NRXN3: variants seen among roughly 807,000 people sequenced by gnomAD.
NRXN3 encodes neurexin 3.
In NRXN3, 32 loss-of-function variants were observed where a neutral mutation model predicts 137.6. The ratio of observed to expected loss-of-function variants is 0.23; its 90% CI spans 0.18 to 0.31. The LOEUF is 0.31. Among genes scored for constraint, NRXN3 ranks in the 10% least tolerant of loss-of-function variants. The pLI is 1.00. For synonymous variants in NRXN3, 798 were observed against 784.5 expected (o/e 1.02, Z -0.29); for missense variants, 1,574 against 2,062.5 (o/e 0.76, Z 4.59).
At chr14:79,300,032 A>G (rs144130856) in intron 15 of NRXN3, among the ~76,000 whole-genome samples, 49 of 152,156 alleles carry the variant, frequency 3.2e-4, no homozygotes, top group African/African-American at 1.2e-3. Context: ...AAGTCACCCT[A>G]GTAACTATAA....
chr14:79,541,994 A>G (rs897053215), intron 16 of NRXN3, among the ~76,000 whole-genome samples: 21 of 152,240 alleles, frequency 1.4e-4, no homozygotes, highest in African/African-American at 4.3e-4. Flanking sequence ...TCTTCTCTGT[A>G]TGGAACAAGA....
At chr14:78,569,322 G>GTGGCACAAT (rs1200220894) in intron 4 of NRXN3, among the ~76,000 whole-genome samples, 1 of 151,126 alleles carries the variant, frequency 6.6e-6, no homozygotes. Flanking sequence ...CTGGAGTGCA[G>GTGGCACAAT]CAGCGTGGTC....
chr14:78,554,270 C>T (rs967363899), intron 4 of NRXN3, among the ~76,000 whole-genome samples: 38 of 152,152 alleles, frequency 2.5e-4, no homozygotes, highest in African/African-American at 8.9e-4. Context: ...TTCAGCTTGG[C>T]GGTCACGACC....
At chr14:79,599,723 A>G (rs1321143133) in intron 16 of NRXN3, among the ~76,000 whole-genome samples, 2 of 152,232 alleles carry the variant, frequency 1.3e-5, no homozygotes, top group East Asian at 1.9e-4. Flanking sequence ...GGCCAGGCAC[A>G]GTGGCTCATG....
chr14:78,537,615 T>G (rs536738469), intron 4 of NRXN3, among the ~76,000 whole-genome samples: 4 of 152,244 alleles, frequency 2.6e-5, no homozygotes, highest in Non-Finnish European at 4.4e-5. Context: ...TTGGTTTAAT[T>G]AGATCCCATT....
At chr14:78,610,650 C>T (rs977287546) in intron 4 of NRXN3, among the ~76,000 whole-genome samples, 36 of 152,182 alleles carry the variant, frequency 2.4e-4, no homozygotes, top group African/African-American at 8.4e-4. Context: ...GGGCAGAGCC[C>T]AGGTATTGAT....
At chr14:78,233,756 C>T (rs1372858405) in intron 1 of NRXN3, among the ~76,000 whole-genome samples, 1 of 151,058 alleles carries the variant, frequency 6.6e-6, no homozygotes, top group African/African-American at 2.4e-5. Context: ...GCTGCATTGC[C>T]TGTGTTAGCC....
intron 10 of NRXN3, among the ~76,000 whole-genome samples, chr14:78,933,384 A>G (rs1490903366): frequency 6.6e-6 from 1 of 152,228 alleles, no homozygotes; most frequent in Non-Finnish European, 1.5e-5. Context: ...CTGTAATAGA[A>G]TATTTCAGTA....
intron 4 of NRXN3, among the ~76,000 whole-genome samples, chr14:78,442,031 G>T (rs971631996): frequency 1.3e-5 from 2 of 151,488 alleles, no homozygotes; most frequent in Non-Finnish European, 2.9e-5. Flanking sequence ...AGGAGGTGGA[G>T]CTTGCAGTGA....
chr14:79,418,689 G>A (rs1411006771), intron 15 of NRXN3, among the ~76,000 whole-genome samples: 1 of 152,188 alleles, frequency 6.6e-6, no homozygotes, highest in Non-Finnish European at 1.5e-5. Flanking sequence ...ATACTCTTAA[G>A]AAGTTCATAG....
At chr14:78,636,845 G>A (rs1210505422) in intron 4 of NRXN3, among the ~76,000 whole-genome samples, 1 of 141,064 alleles carries the variant, frequency 7.1e-6, no homozygotes, top group Admixed American at 7.1e-5. Context: ...TATTTTTTTA[G>A]CAATATCCGT....
chr14:78,278,767 A>G (rs1596687040), intron 3 of NRXN3, 105 bp downstream of exon 3: 1 of 909,248 alleles, frequency 1.1e-6, no homozygotes, highest in African/African-American at 1.6e-5. Flanking sequence ...TTCTAAGTGT[A>G]TTGCATTTTC....
chr14:78,892,020 G>A (rs2152704935), intron 10 of NRXN3, among the ~76,000 whole-genome samples: 1 of 152,022 alleles, frequency 6.6e-6, no homozygotes, highest in South Asian at 2.1e-4. Flanking sequence ...TGTTCTGGTG[G>A]CAGCTCTCAA....
chr14:78,869,935 G>A (rs926086541), intron 10 of NRXN3, among the ~76,000 whole-genome samples: 31 of 152,268 alleles, frequency 2.0e-4, no homozygotes, highest in African/African-American at 7.2e-4. Flanking sequence ...TTTTAACCAA[G>A]GAACAGAGTA....
chr14:78,328,936 G>T lies in NRXN3; in HGVS notation c.757+31076G>T, dbSNP rs748887036. ...TGCAGCAGGCATTTGGGGTAGGGGT[G>T]GGGACAGGATTCTGCCACATGGTCT... On this transcript the variant is annotated intron_variant, in intron 4 of 20. Transcript: ENST00000335750. 1.2e-4 allele frequency among the ~76,000 whole-genome samples: 18 copies of T among 152,204 alleles called. No homozygotes were observed. In the South Asian group the frequency reaches 1.7e-3, roughly 14 times the overall value.
At chr14:79,663,986 A>G (rs761059633) in intron 17 of NRXN3, 37 bp downstream of exon 17, 4 of 1,601,460 alleles carry the variant, frequency 2.5e-6, no homozygotes, top group Non-Finnish European at 3.4e-6. Flanking sequence ...ACTCTTTTTG[A>G]CTCTCCCATT....
intron 4 of NRXN3, among the ~76,000 whole-genome samples, chr14:78,410,750 A>G (rs1370372029): frequency 6.6e-6 from 1 of 152,256 alleles, no homozygotes; most frequent in Non-Finnish European, 1.5e-5. Context: ...TCTGAGGATG[A>G]TGAAGAAAAG....
intron 19 of NRXN3, among the ~76,000 whole-genome samples, chr14:79,799,224 T>C (rs1447025650): frequency 6.6e-6 from 1 of 152,228 alleles, no homozygotes; most frequent in Non-Finnish European, 1.5e-5. Flanking sequence ...AACACGTGGA[T>C]TAAAAATATG....
At chr14:78,447,641 A>G (rs2094451999) in intron 4 of NRXN3, among the ~76,000 whole-genome samples, 1 of 152,242 alleles carries the variant, frequency 6.6e-6, no homozygotes, top group South Asian at 2.1e-4. Flanking sequence ...AAATCTCAAC[A>G]TTAGCTTGAT....
Sources: allele counts gnomAD v4.1 joint callset (sites outside exome capture counted in the v4.1 genomes callset), GRCh38; gene constraint gnomAD v4.1.1; transcripts MANE v1.5; gene names NCBI Gene and HGNC (gene_info 2026-07-23, HGNC 2026-07-21).